The following PTPRH variants were observed in gnomAD, a reference collection of about 807,000 sequenced individuals.
PTPRH encodes the protein receptor-type tyrosine-protein phosphatase H.
In PTPRH, 113 loss-of-function variants were observed where a neutral mutation model predicts 130.2. The observed-to-expected ratio is 0.87, with a 90% confidence interval of 0.75 to 1.01. The LOEUF (loss-of-function observed/expected upper bound fraction) is 1.01. Among genes scored for constraint, PTPRH ranks in the 50% least tolerant of loss-of-function variants. The probability of loss-of-function intolerance (pLI) is 0.00; values close to 1 mark genes in which losing one functional copy is unlikely to be tolerated. For missense variants in PTPRH, 1,430 were observed against 1,425.0 expected (o/e 1.00, Z -0.06); for synonymous variants, 556 against 577.9 (o/e 0.96, Z 0.54).
At chr19:55,192,403 A>AAAAC (rs751483488) in intron 10 of PTPRH, among the ~76,000 whole-genome samples, 5 of 151,974 alleles carry the variant, frequency 3.3e-5, no homozygotes, top group African/African-American at 1.2e-4. Context: ...CTCTGTCTCA[A>AAAAC]AAACAAACAA....
intron 4 of PTPRH, among the ~76,000 whole-genome samples, chr19:55,204,251 G>C (rs543680867): frequency 5.3e-5 from 8 of 152,160 alleles, no homozygotes; most frequent in African/African-American, 1.9e-4. Flanking sequence ...TCCCGAGTAG[G>C]TGGGACTACA....
At chr19:55,186,822 A>G (rs1056016965) in intron 14 of PTPRH, among the ~76,000 whole-genome samples, 4 of 152,110 alleles carry the variant, frequency 2.6e-5, no homozygotes, top group African/African-American at 4.8e-5. Flanking sequence ...AGGTGGGTGG[A>G]TCACCTGAGG....
chr19:55,183,651 G>A (rs187220124), intron 18 of PTPRH, among the ~76,000 whole-genome samples: 2 of 152,160 alleles, frequency 1.3e-5, no homozygotes, highest in East Asian at 3.9e-4. Context: ...TTGAACTTGG[G>A]AGGTGGAGGT....
chr19:55,202,367 C>G, intron 5 of PTPRH, 45 bp from the exon 6 acceptor site: 1 of 1,605,580 alleles, frequency 6.2e-7, no homozygotes, highest in Admixed American at 1.7e-5. Flanking sequence ...GTTTCTGGCC[C>G]TCAAACTTTC....
At chr19:55,206,318 GTTTTCT>G (rs1363169939) in intron 3 of PTPRH, among the ~76,000 whole-genome samples, 2 of 135,716 alleles carry the variant, frequency 1.5e-5, no homozygotes, top group African/African-American at 5.6e-5. Context: ...GTTTTCTTTT[GTTTTCT>G]TTTCTTTTTT....
intron 12 of PTPRH, chr19:55,189,613 C>A (rs2086465295): frequency 8.9e-6 from 4 of 447,750 alleles, no homozygotes; most frequent in Middle Eastern, 4.0e-4. Context: ...GCTCCTCTCC[C>A]ACTTGCGTAG....
At chr19:55,185,703 A>C (rs1165930325) in intron 17 of PTPRH, 41 bp from the exon 18 acceptor site, 1 of 1,605,946 alleles carries the variant, frequency 6.2e-7, no homozygotes, top group East Asian at 2.2e-5. Context: ...AGATGAATGT[A>C]GGGAGGACCT....
At position 55,187,270 on chromosome 19, in the gene PTPRH, G is replaced by A. The variant is rs1269696741; in HGVS notation, c.2566+243C>T. On this transcript the variant is annotated intron_variant, in intron 14 of 19. Transcript: ENST00000376350. Reference sequence around the variant, plus strand: ...TGAGGCAGGAGAATGGCGTGAACCCGGGAGGCGGAGCTTGCAGTGAGCCGA... The same window carrying A: ...TGAGGCAGGAGAATGGCGTGAACCCAGGAGGCGGAGCTTGCAGTGAGCCGA... Among the ~76,000 whole-genome samples the A allele has an allele frequency of 6.9e-5, 9 of 129,622 alleles. No homozygotes were observed. The South Asian group carries it at 8.5e-4, about 12-fold the overall frequency. 85.0% of individuals were successfully genotyped at this position (129,622 alleles called of 152,430 possible). A position where few individuals can be genotyped will look rare whatever the true frequency, so the allele number is the denominator to read the frequency against.
chr19:55,187,453 T>G, intron 14 of PTPRH, 60 bp downstream of exon 14: 1 of 1,385,368 alleles, frequency 7.2e-7, no homozygotes, highest in Admixed American at 1.7e-5. Flanking sequence ...AGAAGGGGAC[T>G]GGGGTGGGGT....
At chr19:55,201,493 A>G (rs1405943584) in intron 6 of PTPRH, among the ~76,000 whole-genome samples, 1 of 152,238 alleles carries the variant, frequency 6.6e-6, no homozygotes, top group Non-Finnish European at 1.5e-5. Context: ...GGGGACTGGG[A>G]GCCCCTCAAC....
At chr19:55,192,084 T>C (rs1222398647) in intron 10 of PTPRH, 3 of 421,068 alleles carry the variant, frequency 7.1e-6, no homozygotes, top group Non-Finnish European at 1.4e-5. Context: ...CATTTTTTTC[T>C]TTAGCTACTT....
At position 55,198,730 on chromosome 19, in the gene PTPRH, G is replaced by T. The variant is rs2086764231; in HGVS notation, c.1603C>A (p.Leu535Met). ...TSGTDITLKE[L>M]EAGSLYHLTV... is the part of the protein sequence containing the mutation. ...AGGTGGTACAGGCTGCCAGCTTCCA[G>T]TTCCTTTAGGGTGATGTCAGTACCT... The change falls in exon 8 of 20, where the codon CTG becomes ATG. Residue 535 changes from leucine to methionine, a missense_variant. Coordinates refer to ENST00000376350, the MANE Select transcript of PTPRH (RefSeq NM_002842.5). 1 of 1,614,022 alleles carries T rather than the reference G, an allele frequency of 6.2e-7. No individual in the cohort carries two copies. Among genetic ancestry groups the T allele is most frequent in the African/African-American group, 1.3e-5 (1 of 74,922 alleles).
intron 12 of PTPRH, among the ~76,000 whole-genome samples, chr19:55,188,373 C>T (rs1342822409): frequency 2.0e-5 from 3 of 151,978 alleles, no homozygotes; most frequent in Non-Finnish European, 4.4e-5. Flanking sequence ...ATTAGCCGGG[C>T]GTGGTGTTGC....
At chr19:55,189,418 C>G (rs2086458124) in intron 12 of PTPRH, among the ~76,000 whole-genome samples, 1 of 152,220 alleles carries the variant, frequency 6.6e-6, no homozygotes, top group Non-Finnish European at 1.5e-5. Flanking sequence ...TAACTTTCAA[C>G]TACAGGCCTG....
chr19:55,202,143 G>A lies in PTPRH; in HGVS notation c.1066C>T (p.Leu356Phe). The A allele has an allele frequency of 6.2e-7, 1 of 1,614,202 alleles. No individual in the cohort carries two copies. Among genetic ancestry groups the A allele is most frequent in the Non-Finnish European group, 8.5e-7 (1 of 1,180,040 alleles). ...TAHTNITVDRLEPGCLYVFSV... is the reference protein window; with the variant it reads ...TAHTNITVDRFEPGCLYVFSV... ...AACACATACAAACACCCGGGTTCAA[G>A]TCTATCCACGGTGATGTTGGTGTGT... The change falls in exon 6 of 20, where the codon CTT becomes TTT. Residue 356 changes from leucine to phenylalanine, a missense_variant. Leu to Phe is a conservative substitution (Grantham distance 22, BLOSUM62 0). Coordinates refer to ENST00000376350, the MANE Select transcript of PTPRH (RefSeq NM_002842.5).
At chr19:55,186,199 C>T (rs955727890) in intron 16 of PTPRH, 26 bp downstream of exon 16, 4 of 1,597,476 alleles carry the variant, frequency 2.5e-6, no homozygotes, top group African/African-American at 2.7e-5. Context: ...TGCACCCAGT[C>T]AGCACCCAGG....
At position 55,181,593 on chromosome 19, in the gene PTPRH, C is replaced by A; in HGVS notation, c.*161G>T. ...TAGGACTCATCTGAAGCCCACCAGACCACTCTCTCCTGGGGAAACCAGAGT... is the reference window on the plus strand; with the variant it reads ...TAGGACTCATCTGAAGCCCACCAGAACACTCTCTCCTGGGGAAACCAGAGT... On this transcript the variant is annotated 3_prime_UTR_variant, in exon 20 of 20. Transcript: ENST00000376350. 1.0e-6 allele frequency: 1 copy of A among 964,120 alleles called. No homozygotes were observed. The highest frequency in any genetic ancestry group is 1.6e-6 in the Non-Finnish European group (1 of 643,362). The allele number at this position is 964,120 out of a possible 1,614,324, so 59.7% of individuals were successfully genotyped here. A position where few individuals can be genotyped will look rare whatever the true frequency, so the allele number is the denominator to read the frequency against.
chr19:55,209,373 G>GA lies in PTPRH; in HGVS notation c.51+9dup, dbSNP rs986715243. ...GCCTTGGGAGCCCGCTCTGGGCGGG[G>GA]AGCACTTACCAGCAGCACCAGGTTC... On this transcript the variant is annotated intron_variant, in intron 1 of 19. Coordinates refer to ENST00000376350, the MANE Select transcript of PTPRH (RefSeq NM_002842.5). This position sits in a 1 kb window ranked among gnomAD's most constrained non-coding sequence, Gnocchi z 4.1. 2 of 1,560,720 alleles carry GA rather than the reference G, an allele frequency of 1.3e-6. No individual in the cohort carries two copies. Among genetic ancestry groups the GA allele is most frequent in the African/African-American group, 1.4e-5 (1 of 73,722 alleles).
At position 55,207,178 on chromosome 19, in the gene PTPRH, C is replaced by T. The variant is rs1180806930; in HGVS notation, c.73G>A (p.Ala25Thr). 2 of 1,613,382 alleles carry T rather than the reference C, an allele frequency of 1.2e-6. No homozygotes were observed. Among genetic ancestry groups the T allele is most frequent in the Non-Finnish European group, 1.7e-6 (2 of 1,179,782 alleles). The change falls in exon 2 of 20, where the codon GCC (alanine) becomes ACC (threonine). Residue 25 changes from alanine (A) to threonine (T), a missense_variant. Transcript: ENST00000376350. ...AGGGGTCACTCACCAGGCGCCCTGGCCCCTGTCCAGCTGCACAGGCCCTGG... is the reference window on the plus strand; with the variant it reads ...AGGGGTCACTCACCAGGCGCCCTGGTCCCTGTCCAGCTGCACAGGCCCTGG... ...VLLGLCSWTG[A>T]RAPAPNPGRN...
Sources: allele counts gnomAD v4.1 joint callset (sites outside exome capture counted in the v4.1 genomes callset), GRCh38; gene constraint gnomAD v4.1.1; non-coding constraint Gnocchi (gnomAD v3.1); transcripts MANE v1.5; gene names NCBI Gene and HGNC (gene_info 2026-07-23, HGNC 2026-07-21).